SCAPER: variants seen among roughly 807,000 people sequenced by gnomAD.
SCAPER encodes the protein S-phase cyclin A associated protein in the ER, also known as S phase cyclin A-associated protein in the endoplasmic reticulum.
A neutral mutation model predicts 182.2 loss-of-function variants in SCAPER; 98 were observed. The observed-to-expected ratio is 0.54, with a 90% confidence interval of 0.46 to 0.64. SCAPER has a LOEUF of 0.64. Among genes scored for constraint, SCAPER ranks in the 30% least tolerant of loss-of-function variants. The pLI is 0.00. For missense variants in SCAPER, 1,432 were observed against 1,690.0 expected (o/e 0.85, Z 2.68); for synonymous variants, 605 against 564.6 (o/e 1.07, Z -1.01).
chr15:76,406,648 ACT>A (rs899029023), intron 26 of SCAPER, among the ~76,000 whole-genome samples: 7 of 142,558 alleles, frequency 4.9e-5, no homozygotes, highest in African/African-American at 1.8e-4. Context: ...ACACACACAC[ACT>A]AGCAAACAAA....
At chr15:76,613,317 C>A (rs1252909778) in intron 22 of SCAPER, among the ~76,000 whole-genome samples, 2 of 152,126 alleles carry the variant, frequency 1.3e-5, no homozygotes, top group East Asian at 1.9e-4. Context: ...ACTATAAAAA[C>A]CCTAGAAGAC....
intron 1 of SCAPER, among the ~76,000 whole-genome samples, chr15:76,903,089 T>C (rs1432655506): frequency 1.3e-5 from 2 of 149,838 alleles, no homozygotes; most frequent in African/African-American, 2.5e-5. Flanking sequence ...GTGAAAGAAA[T>C]GACAGAATCT....
At chr15:76,485,979 G>A (rs2051603092) in intron 24 of SCAPER, among the ~76,000 whole-genome samples, 1 of 152,128 alleles carries the variant, frequency 6.6e-6, no homozygotes, top group Non-Finnish European at 1.5e-5. Context: ...AGGCCGAGGT[G>A]GGCAGATCAC....
At chr15:76,455,673 T>G (rs908524773) in intron 25 of SCAPER, among the ~76,000 whole-genome samples, 6 of 152,184 alleles carry the variant, frequency 3.9e-5, no homozygotes, top group Non-Finnish European at 5.9e-5. Context: ...TTTTTTATTT[T>G]TATTTTACTT....
chr15:76,421,688 T>A (rs1460486836), intron 26 of SCAPER, among the ~76,000 whole-genome samples: 1 of 152,216 alleles, frequency 6.6e-6, no homozygotes, highest in African/African-American at 2.4e-5. Flanking sequence ...AGACATGAAG[T>A]CCTTGCCCAT....
At chr15:76,701,942 TATG>T in intron 19 of SCAPER, 77 bp from the exon 20 acceptor site, 2 of 969,026 alleles carry the variant, frequency 2.1e-6, no homozygotes, top group Non-Finnish European at 3.2e-6. Context: ...CAGTCCAGTA[TATG>T]ATATGTGAGT....
chr15:76,383,793 C>A (rs1163870148), intron 27 of SCAPER, among the ~76,000 whole-genome samples: 2 of 152,332 alleles, frequency 1.3e-5, no homozygotes, highest in South Asian at 2.1e-4. Flanking sequence ...CAAACGGAGG[C>A]TGACCTCCTC....
At chr15:76,621,396 A>G (rs1467877273) in intron 22 of SCAPER, among the ~76,000 whole-genome samples, 1 of 152,210 alleles carries the variant, frequency 6.6e-6, no homozygotes, top group African/African-American at 2.4e-5. Context: ...AGCAAGCACC[A>G]GCACAGCCTT....
intron 21 of SCAPER, 85 bp downstream of exon 21, chr15:76,665,568 T>G: frequency 6.9e-7 from 1 of 1,444,670 alleles, no homozygotes; most frequent in African/African-American, 1.4e-5. Context: ...CAAACAACTT[T>G]AAACTTTTTT....
chr15:76,625,321 A>T (rs2052469025), intron 21 of SCAPER, among the ~76,000 whole-genome samples: 1 of 152,188 alleles, frequency 6.6e-6, no homozygotes. Flanking sequence ...AGCAGCACCC[A>T]TATGCAGAGG....
intron 17 of SCAPER, among the ~76,000 whole-genome samples, chr15:76,722,960 C>T (rs1463169511): frequency 6.6e-6 from 1 of 151,908 alleles, no homozygotes; most frequent in African/African-American, 2.4e-5. Context: ...TTATTTCTTG[C>T]CTTCTGCTAG....
At chr15:76,846,167 T>C (rs543421047) in intron 4 of SCAPER, among the ~76,000 whole-genome samples, 1 of 152,156 alleles carries the variant, frequency 6.6e-6, no homozygotes, top group East Asian at 1.9e-4. Flanking sequence ...AATTTGACTT[T>C]CTCTCACCAT....
At chr15:76,563,999 A>T (rs2046840429) in intron 23 of SCAPER, among the ~76,000 whole-genome samples, 1 of 152,204 alleles carries the variant, frequency 6.6e-6, no homozygotes, top group Non-Finnish European at 1.5e-5. Flanking sequence ...TAAAGTAGGT[A>T]TTAAAATAAC....
chr15:76,788,209 G>T (rs1474204762), intron 8 of SCAPER, among the ~76,000 whole-genome samples: 1 of 152,136 alleles, frequency 6.6e-6, no homozygotes, highest in Non-Finnish European at 1.5e-5. Context: ...TTACGGGATA[G>T]CAAAAAGTGT....
At chr15:76,394,684 A>G (rs2043929552) in intron 27 of SCAPER, among the ~76,000 whole-genome samples, 1 of 152,226 alleles carries the variant, frequency 6.6e-6, no homozygotes, top group Admixed American at 6.5e-5. Context: ...AAAGGCTTTA[A>G]AAATTCATTT....
intron 14 of SCAPER, among the ~76,000 whole-genome samples, chr15:76,757,815 A>G (rs1218816551): frequency 2.6e-5 from 4 of 152,108 alleles, no homozygotes; most frequent in African/African-American, 4.8e-5. Context: ...GTGTCAGGTG[A>G]TATTTCACTC....
intron 21 of SCAPER, among the ~76,000 whole-genome samples, chr15:76,657,867 G>A (rs189951576): frequency 2.4e-4 from 36 of 152,060 alleles, no homozygotes; most frequent in Admixed American, 9.2e-4. Flanking sequence ...ATTCAACATC[G>A]CTTCATGTTA....
intron 26 of SCAPER, among the ~76,000 whole-genome samples, chr15:76,421,146 T>C (rs1279735008): frequency 3.9e-5 from 6 of 152,224 alleles, no homozygotes; most frequent in African/African-American, 1.2e-4. Flanking sequence ...AGTAATGGGA[T>C]GGCTGGGTCA....
At position 76,348,687 on chromosome 15, in the gene SCAPER, AG is replaced by A; in HGVS notation, c.4148del (p.Pro1383LeufsTer13). The A allele has an allele frequency of 6.4e-7, 1 of 1,559,282 alleles. No homozygotes were observed. The highest frequency in any genetic ancestry group is 8.7e-7 in the Non-Finnish European group (1 of 1,149,994). On this transcript the variant is annotated frameshift_variant, in exon 32 of 32. Transcript: ENST00000563290. LOFTEE classifies it high-confidence loss of function. ...GTCGAGCTTCTTCCCAGGCCTGCTG[AG>A]GAAATCTGTTAGCCAGCTCAAGATA... ...QDYLELANRF[P>X]QQAWEEARQF... is the part of the protein sequence containing the mutation.
Sources: allele counts gnomAD v4.1 joint callset (sites outside exome capture counted in the v4.1 genomes callset), GRCh38; gene constraint gnomAD v4.1.1; transcripts MANE v1.5; gene names NCBI Gene and HGNC (gene_info 2026-07-23, HGNC 2026-07-21).